FAM13A: variants seen among roughly 807,000 people sequenced by gnomAD.
FAM13A encodes family with sequence similarity 13 member A.
Under a neutral mutation model 129.6 loss-of-function variants are expected in FAM13A, and 76 were observed. The observed-to-expected ratio is 0.59, with a 90% CI of 0.49 to 0.71. The LOEUF (loss-of-function observed/expected upper bound fraction) is 0.71. Among genes scored for constraint, FAM13A ranks in the 30% least tolerant of loss-of-function variants. FAM13A has a pLI of 0.00. For synonymous variants in FAM13A, 443 were observed against 449.9 expected (o/e 0.98, Z 0.20); for missense variants, 1,108 against 1,249.3 (o/e 0.89, Z 1.70).
chr4:88,890,358 A>C (rs1745119216), intron 6 of FAM13A, among the ~76,000 whole-genome samples: 1 of 152,204 alleles, frequency 6.6e-6, no homozygotes, highest in Non-Finnish European at 1.5e-5. Flanking sequence ...CCTCCGAACC[A>C]GGGAGAACAA....
chr4:88,734,123 G>C, intron 21 of FAM13A, among the ~76,000 whole-genome samples: 1 of 145,920 alleles, frequency 6.9e-6, no homozygotes. Context: ...AAAAATCAGT[G>C]ATCAACTGAT....
At chr4:88,778,099 T>C (rs569575633) in intron 11 of FAM13A, among the ~76,000 whole-genome samples, 7 of 152,214 alleles carry the variant, frequency 4.6e-5, no homozygotes, top group Non-Finnish European at 1.0e-4. Flanking sequence ...AGCCAGTGTA[T>C]TGGCTTTAAA....
intron 10 of FAM13A, among the ~76,000 whole-genome samples, chr4:88,781,849 G>A (rs986130961): frequency 2.7e-5 from 4 of 149,686 alleles, no homozygotes; most frequent in African/African-American, 7.3e-5. Flanking sequence ...GTGGGGTGGG[G>A]GGAGCGGGGA....
At chr4:89,016,233 A>G (rs1766471748) in intron 3 of FAM13A, among the ~76,000 whole-genome samples, 1 of 151,898 alleles carries the variant, frequency 6.6e-6, no homozygotes, top group Admixed American at 6.5e-5. Flanking sequence ...AAGAAAAAAG[A>G]AAATTTTAAA....
intron 6 of FAM13A, among the ~76,000 whole-genome samples, chr4:88,860,067 A>G (rs1739233058): frequency 6.6e-6 from 1 of 152,212 alleles, no homozygotes; most frequent in African/African-American, 2.4e-5. Context: ...TATATTATAA[A>G]ACTATAGCTA....
At chr4:89,039,441 C>G (rs1769814308) in intron 1 of FAM13A, among the ~76,000 whole-genome samples, 1 of 152,160 alleles carries the variant, frequency 6.6e-6, no homozygotes, top group Non-Finnish European at 1.5e-5. Context: ...AATAATGTAT[C>G]AATATTGGCT....
chr4:88,755,200 A>G (rs1276962943), intron 14 of FAM13A, among the ~76,000 whole-genome samples: 2 of 152,236 alleles, frequency 1.3e-5, no homozygotes, highest in African/African-American at 4.8e-5. Flanking sequence ...TCTTGTGTTC[A>G]GAGCCACCCA....
intron 2 of FAM13A, among the ~76,000 whole-genome samples, chr4:89,026,184 A>T (rs1767934575): frequency 1.3e-5 from 2 of 152,220 alleles, no homozygotes; most frequent in Non-Finnish European, 2.9e-5. Flanking sequence ...TATCTAACTC[A>T]GTGGGATACA....
At chr4:89,019,734 C>G (rs543259995) in intron 3 of FAM13A, among the ~76,000 whole-genome samples, 4 of 135,042 alleles carry the variant, frequency 3.0e-5, no homozygotes, top group South Asian at 4.9e-4. Flanking sequence ...GCACTCCAGC[C>G]TGGGTGACAA....
intron 11 of FAM13A, among the ~76,000 whole-genome samples, chr4:88,779,812 A>G (rs999747898): frequency 3.9e-5 from 6 of 152,198 alleles, no homozygotes; most frequent in Non-Finnish European, 7.3e-5. Context: ...TGAAGACACT[A>G]TTCCTGGTGG....
chr4:88,965,663 T>A (rs1005207146), intron 4 of FAM13A, among the ~76,000 whole-genome samples: 1 of 152,126 alleles, frequency 6.6e-6, no homozygotes, highest in African/African-American at 2.4e-5. Flanking sequence ...GTATGACAGA[T>A]CTCCAGAACA....
chr4:89,044,936 G>A (rs937996606), intron 1 of FAM13A, among the ~76,000 whole-genome samples: 3 of 151,992 alleles, frequency 2.0e-5, no homozygotes, highest in African/African-American at 4.8e-5. Flanking sequence ...GAAATAGGAA[G>A]TTATTGTTTT....
chr4:88,854,343 G>A (rs1464965285), intron 6 of FAM13A, among the ~76,000 whole-genome samples: 4 of 152,252 alleles, frequency 2.6e-5, no homozygotes, highest in South Asian at 2.1e-4. Flanking sequence ...ACTCCAAATC[G>A]CGCCAACAGC....
intron 5 of FAM13A, among the ~76,000 whole-genome samples, chr4:88,910,037 T>C (rs78675225): frequency 0.025 from 3,764 of 152,302 alleles, 78 homozygotes; most frequent in Non-Finnish European, 0.04. Flanking sequence ...GAGGGGGATG[T>C]TGTGTTTCTA....
chr4:88,858,687 C>T (rs562631751), intron 6 of FAM13A, among the ~76,000 whole-genome samples: 1 of 152,182 alleles, frequency 6.6e-6, no homozygotes, highest in Non-Finnish European at 1.5e-5. Context: ...GTCTAGAACA[C>T]GCAAATCCAG....
chr4:88,984,367 A>G (rs1761990996), intron 4 of FAM13A, among the ~76,000 whole-genome samples: 1 of 152,214 alleles, frequency 6.6e-6, no homozygotes, highest in Admixed American at 6.5e-5. Flanking sequence ...CTTATAGAAT[A>G]GAAGAAAATA....
In FAM13A at chr4:88,939,335, C is replaced by T. The variant is rs533973294; in HGVS notation, c.606-1094G>A. On this transcript the variant is annotated intron_variant, in intron 4 of 23. Transcript: ENST00000264344. ...CCAGGGCCAGCATCTGCAAATCTCT[C>T]TCTGCTCCACCATCACACGGCCTTC... Among the ~76,000 whole-genome samples the T allele has an allele frequency of 2.6e-5, 4 of 152,236 alleles. No individual in the cohort carries two copies. In the South Asian group the frequency reaches 8.3e-4, roughly 32 times the overall value.
intron 3 of FAM13A, among the ~76,000 whole-genome samples, chr4:89,001,299 T>C (rs1764217006): frequency 6.6e-6 from 1 of 152,220 alleles, no homozygotes; most frequent in Non-Finnish European, 1.5e-5. Flanking sequence ...TTCCAATTTA[T>C]TCCAGTGGAG....
At chr4:88,811,012 C>T (rs1020890771) in intron 7 of FAM13A, among the ~76,000 whole-genome samples, 30 of 152,252 alleles carry the variant, frequency 2.0e-4, no homozygotes, top group Admixed American at 7.2e-4. Flanking sequence ...TACACATCTC[C>T]CTTGCTTGCT....
Sources: gnomAD v4.1 joint callset for allele counts (sites outside exome capture counted in the v4.1 genomes callset) on GRCh38, gnomAD v4.1.1 for gene constraint, MANE v1.5 for transcripts, NCBI Gene and HGNC (gene_info 2026-07-23, HGNC 2026-07-21) for gene names.